Variants in TRPS1 observed in about 807,000 individuals in gnomAD.
The protein encoded by TRPS1 is transcriptional repressor GATA binding 1.
A neutral mutation model predicts 101.2 loss-of-function variants in TRPS1; 6 were observed. That is an observed-to-expected ratio of 0.06 (90% CI 0.03 to 0.12). TRPS1 has a LOEUF of 0.12. TRPS1 is among the 10% of genes least tolerant of loss of function. TRPS1 has a pLI of 1.00. For missense variants in TRPS1, 1,363 were observed against 1,567.0 expected (o/e 0.87, Z 2.20); for synonymous variants, 578 against 589.8 (o/e 0.98, Z 0.29).
intron 5 of TRPS1, among the ~76,000 whole-genome samples, chr8:115,486,560 C>A (rs561530481): frequency 6.6e-6 from 1 of 152,302 alleles, no homozygotes; most frequent in Admixed American, 6.5e-5. Context: ...AATGCAAAGG[C>A]AAAGTTCTTG....
At chr8:115,594,357 T>C (rs763058971) in intron 4 of TRPS1, among the ~76,000 whole-genome samples, 5 of 152,094 alleles carry the variant, frequency 3.3e-5, no homozygotes, top group Non-Finnish European at 5.9e-5. Context: ...CACAAGGTCA[T>C]CACATAAAAC....
chr8:115,414,291 T>A lies in TRPS1; in HGVS notation c.3617A>T (p.Asn1206Ile). The change falls in exon 7 of 7, where the codon AAT (asparagine) becomes ATT (isoleucine). Residue 1206 changes from asparagine (N) to isoleucine (I), a missense_variant. This residue lies in a region of TRPS1 where 307 missense variants were observed against 392.4 expected (regional missense o/e 0.78). Transcript: ENST00000395715. This position sits in a 1 kb window ranked among gnomAD's most constrained non-coding sequence, Gnocchi z 4.8. ...EKTKAPPNVK[N>I]EGPLNVVKTE... The stretch of plus-strand genomic sequence containing the variant: ...TTTTACTACATTCAAGGGACCTTCA[T>A]TTTTTACATTTGGTGGTGCCTTCGT... The A allele has an allele frequency of 6.2e-7, 1 of 1,614,008 alleles. No homozygotes were observed.
At chr8:115,427,362 G>A (rs555673773) in intron 5 of TRPS1, among the ~76,000 whole-genome samples, 19 of 152,218 alleles carry the variant, frequency 1.2e-4, no homozygotes, top group African/African-American at 4.3e-4. Flanking sequence ...GACTATCTTT[G>A]TCCCTTTTTA....
At chr8:115,664,124 A>T (rs1211069381) in intron 1 of TRPS1, among the ~76,000 whole-genome samples, 3 of 152,128 alleles carry the variant, frequency 2.0e-5, no homozygotes, top group African/African-American at 7.2e-5. Context: ...TAAATTTTAA[A>T]AAGTAGTTAC....
intron 5 of TRPS1, among the ~76,000 whole-genome samples, chr8:115,491,473 G>T (rs1324585660): frequency 6.6e-6 from 1 of 152,142 alleles, no homozygotes; most frequent in Non-Finnish European, 1.5e-5. Context: ...AGTGCTACCA[G>T]AAGGAATCAT....
intron 5 of TRPS1, among the ~76,000 whole-genome samples, chr8:115,498,028 G>A (rs911700161): frequency 6.6e-6 from 1 of 152,114 alleles, no homozygotes; most frequent in Non-Finnish European, 1.5e-5. Flanking sequence ...CAATGGACAG[G>A]TGTAATATAG....
At chr8:115,518,774 G>C (rs1815784949) in intron 5 of TRPS1, among the ~76,000 whole-genome samples, 1 of 151,930 alleles carries the variant, frequency 6.6e-6, no homozygotes, top group Admixed American at 6.6e-5. Flanking sequence ...GAGTAAAGGT[G>C]ATATTTTCTC....
At chr8:115,499,794 C>T (rs949988666) in intron 5 of TRPS1, among the ~76,000 whole-genome samples, 4 of 152,072 alleles carry the variant, frequency 2.6e-5, no homozygotes, top group African/African-American at 4.8e-5. Flanking sequence ...GATTTGTTTG[C>T]TGTGTCTAAG....
chr8:115,566,019 T>C (rs1817059260), intron 5 of TRPS1, among the ~76,000 whole-genome samples: 1 of 152,182 alleles, frequency 6.6e-6, no homozygotes, highest in Non-Finnish European at 1.5e-5. Context: ...GTTATCCTCA[T>C]ACCATGGCAT....
At chr8:115,602,512 G>A (rs1817931276) in intron 4 of TRPS1, among the ~76,000 whole-genome samples, 1 of 152,168 alleles carries the variant, frequency 6.6e-6, no homozygotes, top group South Asian at 2.1e-4. Flanking sequence ...ATTAAACAGT[G>A]TAAATCTCAA....
intron 5 of TRPS1, among the ~76,000 whole-genome samples, chr8:115,541,037 A>C (rs1351322994): frequency 1.3e-5 from 2 of 152,096 alleles, no homozygotes; most frequent in East Asian, 3.8e-4. Context: ...ACACTTATAT[A>C]ATATTTAATT....
At chr8:115,459,059 C>T (rs1406767372) in intron 5 of TRPS1, among the ~76,000 whole-genome samples, 1 of 152,002 alleles carries the variant, frequency 6.6e-6, no homozygotes, top group Non-Finnish European at 1.5e-5. Flanking sequence ...TTTTCTTAGC[C>T]AGGCGTGGTG....
At chr8:115,593,230 G>T (rs1213754061) in intron 4 of TRPS1, among the ~76,000 whole-genome samples, 1 of 152,100 alleles carries the variant, frequency 6.6e-6, no homozygotes, top group Non-Finnish European at 1.5e-5. Context: ...AAATTGTCAG[G>T]AATAATCCCA....
intron 5 of TRPS1, among the ~76,000 whole-genome samples, chr8:115,419,004 TC>T (rs1180220767): frequency 6.6e-6 from 1 of 152,208 alleles, no homozygotes; most frequent in African/African-American, 2.4e-5. Context: ...GAAAGATTCC[TC>T]TATTCCTCAA....
At chr8:115,644,059 C>T (rs1818960998) in intron 1 of TRPS1, among the ~76,000 whole-genome samples, 1 of 152,194 alleles carries the variant, frequency 6.6e-6, no homozygotes, top group Non-Finnish European at 1.5e-5. Flanking sequence ...ATACTGTAAA[C>T]AAATGTGCTA....
chr8:115,627,624 T>C (rs2130552883), intron 1 of TRPS1, among the ~76,000 whole-genome samples: 1 of 151,998 alleles, frequency 6.6e-6, no homozygotes, highest in East Asian at 1.9e-4. Context: ...TGCTGTGCTT[T>C]GTAGGAATGT....
intron 5 of TRPS1, among the ~76,000 whole-genome samples, chr8:115,553,809 A>C (rs1358947549): frequency 2.6e-5 from 4 of 152,136 alleles, no homozygotes; most frequent in Non-Finnish European, 5.9e-5. Flanking sequence ...TGAATCCTTT[A>C]GAAAGTGATA....
chr8:115,444,594 T>C (rs991871606), intron 5 of TRPS1, among the ~76,000 whole-genome samples: 1 of 152,200 alleles, frequency 6.6e-6, no homozygotes, highest in Non-Finnish European at 1.5e-5. Context: ...TATCTCCCAC[T>C]AACCTATGAG....
chr8:115,582,289 T>C (rs1178444811), intron 5 of TRPS1, among the ~76,000 whole-genome samples: 3 of 152,198 alleles, frequency 2.0e-5, no homozygotes, highest in Non-Finnish European at 4.4e-5. Flanking sequence ...TGCAGTCTTC[T>C]GTCAGTGGTT....
Sources: gnomAD v4.1 joint callset for allele counts (sites outside exome capture counted in the v4.1 genomes callset) on GRCh38, gnomAD v4.1.1 for gene constraint, gnomAD v4.1.1 regional missense constraint, Gnocchi (gnomAD v3.1) non-coding constraint, MANE v1.5 for transcripts, NCBI Gene and HGNC (gene_info 2026-07-23, HGNC 2026-07-21) for gene names.